OLFM3: variants seen among roughly 807,000 people sequenced by gnomAD.
OLFM3 encodes the protein olfactomedin 3.
Under a neutral mutation model 48.6 loss-of-function variants are expected in OLFM3, and 20 were observed. The observed-to-expected ratio is 0.41, with a 90% confidence interval of 0.29 to 0.60. The LOEUF (loss-of-function observed/expected upper bound fraction) is 0.60. OLFM3 is among the 20% of genes least tolerant of loss of function. The probability of loss-of-function intolerance (pLI) is 0.28; values close to 1 mark genes in which losing one functional copy is unlikely to be tolerated. For synonymous variants in OLFM3, 222 were observed against 198.1 expected (o/e 1.12, Z -1.01); for missense variants, 437 against 544.3 (o/e 0.80, Z 1.96).
At chr1:101,923,681 A>T (rs1428393050) in intron 1 of OLFM3, among the ~76,000 whole-genome samples, 2 of 152,020 alleles carry the variant, frequency 1.3e-5, no homozygotes, top group African/African-American at 4.8e-5. Context: ...AGTCTCTAAA[A>T]CTTCTTTACT....
chr1:101,837,506 A>G (rs1655485674), intron 1 of OLFM3, among the ~76,000 whole-genome samples: 1 of 152,206 alleles, frequency 6.6e-6, no homozygotes, highest in South Asian at 2.1e-4. Context: ...CTTAATTATT[A>G]ATAAAGTGGA....
intron 1 of OLFM3, among the ~76,000 whole-genome samples, chr1:101,989,476 G>T (rs1661338544): frequency 6.6e-6 from 1 of 151,512 alleles, no homozygotes; most frequent in Non-Finnish European, 1.5e-5. Context: ...GAAAGTAACA[G>T]AGATAAATTA....
chr1:101,952,781 T>C (rs938591831), intron 1 of OLFM3, among the ~76,000 whole-genome samples: 1 of 152,072 alleles, frequency 6.6e-6, no homozygotes, highest in Non-Finnish European at 1.5e-5. Context: ...GAGCTAACAG[T>C]AACAAGATCT....
chr1:101,975,621 A>G (rs1268904764), intron 1 of OLFM3, among the ~76,000 whole-genome samples: 1 of 152,186 alleles, frequency 6.6e-6, no homozygotes, highest in Non-Finnish European at 1.5e-5. Context: ...GTCATTTGAA[A>G]CTACAAGTGA....
intron 1 of OLFM3, among the ~76,000 whole-genome samples, chr1:101,875,015 T>C (rs1487233430): frequency 1.3e-5 from 2 of 152,002 alleles, no homozygotes; most frequent in Non-Finnish European, 2.9e-5. Flanking sequence ...TAACTAACAA[T>C]TTCATTAAGT....
intron 5 of OLFM3, among the ~76,000 whole-genome samples, chr1:101,805,312 GA>G (rs1553168757): frequency 6.6e-6 from 1 of 151,548 alleles, no homozygotes; most frequent in Non-Finnish European, 1.5e-5. Context: ...CCCTTGCTCT[GA>G]AAAAAATGTA....
intron 1 of OLFM3, among the ~76,000 whole-genome samples, chr1:101,924,030 G>C (rs1659184110): frequency 6.6e-6 from 1 of 152,072 alleles, no homozygotes; most frequent in Non-Finnish European, 1.5e-5. Flanking sequence ...CCATTGTTGA[G>C]AACTGAAAAT....
At chr1:101,883,404 T>C (rs1337805254) in intron 1 of OLFM3, among the ~76,000 whole-genome samples, 2 of 151,608 alleles carry the variant, frequency 1.3e-5, no homozygotes, top group African/African-American at 2.4e-5. Flanking sequence ...AGATTTCTAC[T>C]TCCAAATAAA....
chr1:101,909,891 G>T, intron 1 of OLFM3: 1 of 858,620 alleles, frequency 1.2e-6, no homozygotes, highest in Non-Finnish European at 1.4e-6. Context: ...AAGATTTCCT[G>T]AGCTAAAACG....
intron 1 of OLFM3, among the ~76,000 whole-genome samples, chr1:101,949,939 A>AAAAAAG (rs1439334717): frequency 1.3e-5 from 2 of 150,462 alleles, no homozygotes; most frequent in Non-Finnish European, 1.5e-5. Flanking sequence ...CTGAAAAAAA[A>AAAAAAG]AAAAAAAAAG....
intron 3 of OLFM3, among the ~76,000 whole-genome samples, chr1:101,827,527 T>A (rs907863908): frequency 6.6e-6 from 1 of 152,070 alleles, no homozygotes; most frequent in African/African-American, 2.4e-5. Flanking sequence ...GAAGATTTTT[T>A]AAAAAGTATT....
At chr1:101,973,710 G>A (rs1307128540) in intron 1 of OLFM3, among the ~76,000 whole-genome samples, 3 of 152,126 alleles carry the variant, frequency 2.0e-5, no homozygotes, top group Non-Finnish European at 4.4e-5. Context: ...ATATTGTAAA[G>A]CAAAGGAATG....
chr1:101,889,584 T>C (rs1261238892), intron 1 of OLFM3, among the ~76,000 whole-genome samples: 2 of 152,016 alleles, frequency 1.3e-5, no homozygotes, highest in African/African-American at 4.8e-5. Flanking sequence ...CACACCAACA[T>C]AGCACATGTA....
intron 4 of OLFM3, among the ~76,000 whole-genome samples, chr1:101,821,572 C>T (rs976267387): frequency 8.6e-5 from 13 of 151,914 alleles, no homozygotes; most frequent in African/African-American, 2.9e-4. Context: ...TCAGGAGATG[C>T]TCAATAAGTG....
chr1:101,897,820 A>C (rs972859635), intron 1 of OLFM3, among the ~76,000 whole-genome samples: 2 of 152,184 alleles, frequency 1.3e-5, no homozygotes, highest in African/African-American at 2.4e-5. Context: ...TGCAAAGTGG[A>C]AAATAATGAT....
rs762761441 is a variant in OLFM3 at position 101,830,748 on chromosome 1, G to T, written c.296C>A (p.Thr99Asn). 1 of 1,613,992 alleles carries T rather than the reference G, an allele frequency of 6.2e-7. No homozygotes were observed. Among genetic ancestry groups the T allele is most frequent in the Admixed American group, 1.7e-5 (1 of 60,016 alleles). ...TTTTGCCTTCAGCCCTTTCATTTGGGTTTCCATTTTTAAAACATATTGGAA... is the reference window on the plus strand; with the variant it reads ...TTTTGCCTTCAGCCCTTTCATTTGGTTTTCCATTTTTAAAACATATTGGAA... ...RDFQYVLKME[T>N]QMKGLKAKFR... Residue 99 changes from threonine (T) to asparagine (N), a missense_variant, in exon 3 of 6, where the codon ACC (threonine) becomes AAC (asparagine). Thr to Asn is a moderately conservative substitution (Grantham distance 65). Around this residue, in one of 3 missense-constraint regions of OLFM3, gnomAD observed 314 missense variants for 365.5 expected, o/e 0.86. Coordinates refer to ENST00000370103, the MANE Select transcript of OLFM3 (RefSeq NM_058170.4).
At chr1:101,808,752 C>G (rs1169965835) in intron 4 of OLFM3, among the ~76,000 whole-genome samples, 1 of 151,698 alleles carries the variant, frequency 6.6e-6, no homozygotes, top group Non-Finnish European at 1.5e-5. Flanking sequence ...CAGGAGTTTC[C>G]AAGCACATTT....
At position 101,859,121 on chromosome 1, in the gene OLFM3, TA is replaced by T. The variant is rs200034647; in HGVS notation, c.70-22097del. Reference sequence around the variant, plus strand: ...AGTGGGGGAAGTGAAAAATGCATGATAGGGGGAAGGAAGAGAGGAAATAGAG... The same window carrying T: ...AGTGGGGGAAGTGAAAAATGCATGATGGGGGAAGGAAGAGAGGAAATAGAG... On this transcript the variant is annotated intron_variant, in intron 1 of 5. Coordinates refer to ENST00000370103, the MANE Select transcript of OLFM3 (RefSeq NM_058170.4). Among the ~76,000 whole-genome samples, 1,397 of 151,510 alleles carry T rather than the reference TA, an allele frequency of 9.2e-3. 13 individuals carry two copies. The highest frequency in any genetic ancestry group is 0.015 in the Non-Finnish European group (1,000 of 67,912).
chr1:101,966,976 G>T (rs971639769), intron 1 of OLFM3, among the ~76,000 whole-genome samples: 6 of 152,082 alleles, frequency 3.9e-5, no homozygotes, highest in Non-Finnish European at 8.8e-5. Context: ...GGGCAAATGT[G>T]GTTGTTTCAT....
Sources: allele counts gnomAD v4.1 joint callset (sites outside exome capture counted in the v4.1 genomes callset), GRCh38; gene constraint gnomAD v4.1.1; regional missense constraint gnomAD v4.1.1; transcripts MANE v1.5; gene names NCBI Gene and HGNC (gene_info 2026-07-23, HGNC 2026-07-21).